CHD1: variants seen among roughly 807,000 people sequenced by gnomAD.
The protein encoded by CHD1 is chromodomain helicase DNA binding protein 1.
In CHD1, 36 loss-of-function variants were observed where a neutral mutation model predicts 224.2. The ratio of observed to expected loss-of-function variants is 0.16; its 90% confidence interval spans 0.12 to 0.21. CHD1 has a LOEUF of 0.21. Among genes scored for constraint, CHD1 ranks in the 10% least tolerant of loss-of-function variants. The pLI, the probability that CHD1 is intolerant of heterozygous loss-of-function variation, is 1.00. For missense variants in CHD1, 1,378 were observed against 1,994.8 expected (o/e 0.69, Z 5.89); for synonymous variants, 668 against 658.3 (o/e 1.01, Z -0.23).
chr5:98,874,476 G>A (rs1580388329), intron 25 of CHD1, among the ~76,000 whole-genome samples: 1 of 149,896 alleles, frequency 6.7e-6, no homozygotes, highest in East Asian at 2.0e-4. Flanking sequence ...GAGGCAGGCG[G>A]ATCACCTGAA....
chr5:98,880,561 A>C (rs1222837041), intron 22 of CHD1, among the ~76,000 whole-genome samples: 3 of 152,190 alleles, frequency 2.0e-5, no homozygotes, highest in African/African-American at 7.2e-5. Flanking sequence ...ATGGCACTTA[A>C]CTTACTCCAT....
intron 2 of CHD1, among the ~76,000 whole-genome samples, chr5:98,924,265 G>C (rs909878120): frequency 4.1e-5 from 6 of 147,872 alleles, no homozygotes; most frequent in Non-Finnish European, 7.5e-5. Context: ...GAAAAGAAAA[G>C]AAAAAAAAAA....
At chr5:98,876,346 G>A (rs1047712466) in intron 24 of CHD1, 52 bp downstream of exon 24, 3 of 1,541,048 alleles carry the variant, frequency 1.9e-6, no homozygotes, top group African/African-American at 2.7e-5. Context: ...TTACATTTTA[G>A]TTTCACACTC....
chr5:98,927,404 C>A (rs1251585593), intron 1 of CHD1, among the ~76,000 whole-genome samples: 1 of 152,076 alleles, frequency 6.6e-6, no homozygotes, highest in Admixed American at 6.5e-5. Flanking sequence ...ACCGAGACAG[C>A]CAACTGAGAG....
rs775646258 is a variant in CHD1, at chr5:98,903,915, T to C, written c.256-7A>G. 15 of 1,541,550 alleles carry C rather than the reference T, an allele frequency of 9.7e-6. No homozygotes were observed. In the South Asian group the frequency reaches 1.4e-4, roughly 14 times the overall value. On this transcript the variant is annotated splice_polypyrimidine_tract_variant and splice_region_variant and intron_variant, in intron 3 of 35. Coordinates refer to ENST00000614616, the MANE Select transcript of CHD1 (RefSeq NM_001270.4). The stretch of plus-strand genomic sequence containing the variant: ...TAGGACTAGATTTCCAAAACTATAA[T>C]AGAAATATAAACCAGTGAATGAAGA...
intron 13 of CHD1, among the ~76,000 whole-genome samples, chr5:98,893,871 A>G (rs1287157565): frequency 2.6e-5 from 4 of 152,192 alleles, no homozygotes; most frequent in Admixed American, 6.5e-5. Context: ...GAGAAAAATC[A>G]GCAGTGTCAT....
intron 32 of CHD1, among the ~76,000 whole-genome samples, 161 bp downstream of exon 32, chr5:98,863,247 A>T (rs1176757861): frequency 6.6e-6 from 1 of 152,072 alleles, no homozygotes; most frequent in Non-Finnish European, 1.5e-5. Flanking sequence ...TAAATAAAAA[A>T]ATTTAACATT....
intron 2 of CHD1, among the ~76,000 whole-genome samples, chr5:98,920,746 G>T (rs1299938983): frequency 6.6e-6 from 1 of 150,694 alleles, no homozygotes; most frequent in Admixed American, 6.6e-5. Context: ...GCAGTGAGGT[G>T]AGATCGTGCC....
intron 28 of CHD1, among the ~76,000 whole-genome samples, chr5:98,871,339 G>A (rs1177288799): frequency 2.0e-5 from 2 of 98,088 alleles, no homozygotes; most frequent in East Asian, 6.8e-4. Flanking sequence ...TAAACAATAA[G>A]GAAGTTCTCC....
intron 2 of CHD1, among the ~76,000 whole-genome samples, chr5:98,918,604 C>A (rs547799340): frequency 6.6e-6 from 1 of 150,684 alleles, no homozygotes; most frequent in South Asian, 2.1e-4. Flanking sequence ...CCCGTCTGTA[C>A]GAAAAATACA....
intron 32 of CHD1, among the ~76,000 whole-genome samples, chr5:98,861,057 A>G (rs1252896682): frequency 6.6e-6 from 1 of 152,210 alleles, no homozygotes; most frequent in African/African-American, 2.4e-5. Flanking sequence ...GGTCTTAATT[A>G]TATCATCCGA....
chr5:98,869,564 G>C, intron 30 of CHD1, 190 bp downstream of exon 30: 1 of 611,182 alleles, frequency 1.6e-6, no homozygotes, highest in Non-Finnish European at 2.8e-6. Flanking sequence ...TGGACAGTTA[G>C]AATTCTGTTC....
rs1045532751 is a variant in CHD1 at position 98,870,670 on chromosome 5, T to C, written c.3978+17A>G. The C allele has an allele frequency of 2.7e-6, 4 of 1,455,688 alleles. No individual in the cohort carries two copies. In the South Asian group the frequency reaches 5.0e-5, roughly 18 times the overall value. 90.2% of individuals were successfully genotyped at this position (1,455,688 alleles called of 1,614,324 possible). On this transcript the variant is annotated intron_variant, in intron 29 of 35. Transcript: ENST00000614616. ...CTAAAAAGTAAACTGGTCTTAGGCA[T>C]GTGGGCTTTAACTTACCGCACCAGA...
chr5:98,864,010 G>C (rs974333156), intron 31 of CHD1, among the ~76,000 whole-genome samples: 18 of 152,148 alleles, frequency 1.2e-4, no homozygotes, highest in African/African-American at 4.1e-4. Flanking sequence ...AATATAGCTA[G>C]ATATATAAAC....
chr5:98,917,299 C>CAAAAAAAAA (rs70984334), intron 2 of CHD1, among the ~76,000 whole-genome samples: 36 of 119,792 alleles, frequency 3.0e-4, no homozygotes, highest in Middle Eastern at 5.1e-3. Context: ...AACAAAGAAA[C>CAAAAAAAAA]AAAAAAAAAA....
At chr5:98,882,226 G>C in intron 19 of CHD1, 103 bp from the exon 20 acceptor site, 1 of 963,542 alleles carries the variant, frequency 1.0e-6, no homozygotes, top group Non-Finnish European at 1.5e-6. Flanking sequence ...CATTCTATAT[G>C]AAGTTTTCAC....
intron 2 of CHD1, among the ~76,000 whole-genome samples, chr5:98,921,731 T>C (rs1265683324): frequency 6.6e-6 from 1 of 152,222 alleles, no homozygotes. Flanking sequence ...ATCACATTAA[T>C]GTTTGCCCAC....
chr5:98,878,287 T>C (rs727637), intron 23 of CHD1, among the ~76,000 whole-genome samples: 19,057 of 152,286 alleles, frequency 0.13, 1,895 homozygotes, highest in African/African-American at 0.28. Flanking sequence ...GAAGGAAGCC[T>C]TGCCAGACCT....
intron 17 of CHD1, among the ~76,000 whole-genome samples, chr5:98,887,805 G>A (rs1343613694): frequency 6.6e-6 from 1 of 151,990 alleles, no homozygotes; most frequent in African/African-American, 2.4e-5. Flanking sequence ...AGAAAATTCT[G>A]CCTTAGTTCA....
Sources: allele counts gnomAD v4.1 joint callset (sites outside exome capture counted in the v4.1 genomes callset), GRCh38; gene constraint gnomAD v4.1.1; transcripts MANE v1.5; gene names NCBI Gene and HGNC (gene_info 2026-07-23, HGNC 2026-07-21).